KCNG2: variants seen among roughly 807,000 people sequenced by gnomAD.
KCNG2 encodes the protein voltage-gated potassium channel regulatory subunit KCNG2.
A neutral mutation model predicts 12.3 loss-of-function variants in KCNG2; 7 were observed. The observed-to-expected ratio is 0.57, with a 90% confidence interval of 0.32 to 1.07. KCNG2 has a LOEUF of 1.07. Among genes scored for constraint, KCNG2 ranks in the 50% least tolerant of loss-of-function variants. The probability of loss-of-function intolerance (pLI) is 0.04; values close to 1 mark genes in which losing one functional copy is unlikely to be tolerated. For synonymous variants in KCNG2, 414 were observed against 351.4 expected (o/e 1.18, Z -1.99); for missense variants, 703 against 726.0 (o/e 0.97, Z 0.36).
chr18:79,841,648 T>A (rs1254761889), intron 1 of KCNG2, among the ~76,000 whole-genome samples: 2 of 152,132 alleles, frequency 1.3e-5, no homozygotes, highest in Admixed American at 1.3e-4. Context: ...CATTAAAAGG[T>A]CTTCAGTGTC....
At chr18:79,826,287 C>T (rs1053919696) in intron 1 of KCNG2, among the ~76,000 whole-genome samples, 6 of 152,244 alleles carry the variant, frequency 3.9e-5, no homozygotes, top group Admixed American at 1.3e-4. Context: ...CTGAGGCAGG[C>T]AGAGCTGCAG....
chr18:79,837,105 C>A (rs1271391878), intron 1 of KCNG2, among the ~76,000 whole-genome samples: 1 of 152,196 alleles, frequency 6.6e-6, no homozygotes, highest in Non-Finnish European at 1.5e-5. Flanking sequence ...GAGGAACAGA[C>A]ATCGGGTAAA....
chr18:79,853,955 A>T (rs926816757), intron 1 of KCNG2, among the ~76,000 whole-genome samples: 13 of 152,364 alleles, frequency 8.5e-5, no homozygotes, highest in African/African-American at 2.9e-4. Context: ...CTCGGGGTCC[A>T]GCCTGTGAAA....
Position 79,863,787 on chromosome 18 carries a change from C to A in KCNG2, c.120C>A (p.Leu40=). The A allele has an allele frequency of 7.8e-7, 1 of 1,289,706 alleles. No individual in the cohort carries two copies. The highest frequency in any genetic ancestry group is 1.6e-5 in the African/African-American group (1 of 63,072). 79.9% of individuals were successfully genotyped at this position (1,289,706 alleles called of 1,614,324 possible). The change falls in exon 3 of 4, where the codon CTC becomes CTA. Residue 40 remains leucine, a synonymous_variant. Coordinates refer to ENST00000316249, the MANE Select transcript of KCNG2 (RefSeq NM_012283.2). ...GGGCCGCGCTGGCGCGATGCCCCCTCGCGCGCCTGGAGCGCCTGCGCGCCT... is the reference window on the plus strand; with the variant it reads ...GGGCCGCGCTGGCGCGATGCCCCCTAGCGCGCCTGGAGCGCCTGCGCGCCT... ...LAWAALARCP[L]ARLERLRACR... is the part of the protein sequence containing the mutation.
chr18:79,813,951 CA>C (rs1323249950), intron 1 of KCNG2, among the ~76,000 whole-genome samples: 40 of 152,316 alleles, frequency 2.6e-4, no homozygotes, highest in African/African-American at 9.1e-4. Flanking sequence ...AAGATGTGTG[CA>C]CAGACCTTTC....
intron 1 of KCNG2, among the ~76,000 whole-genome samples, chr18:79,801,889 C>A (rs1463533409): frequency 1.3e-5 from 2 of 152,204 alleles, no homozygotes; most frequent in Non-Finnish European, 2.9e-5. Context: ...TCATTGCCCG[C>A]GTTTCTCATC....
chr18:79,828,706 C>T (rs544864337), intron 1 of KCNG2, among the ~76,000 whole-genome samples: 20 of 147,556 alleles, frequency 1.4e-4, no homozygotes, highest in East Asian at 6.2e-4. Flanking sequence ...CAGGAATTTG[C>T]GTGTGTGTAA....
intron 3 of KCNG2, among the ~76,000 whole-genome samples, chr18:79,893,862 T>C (rs1599439541): frequency 6.6e-6 from 1 of 150,894 alleles, no homozygotes; most frequent in African/African-American, 2.4e-5. Context: ...TAGTTGGGTC[T>C]GTATCTGCTT....
intron 1 of KCNG2, among the ~76,000 whole-genome samples, chr18:79,821,570 G>A (rs1015308644): frequency 1.3e-5 from 2 of 152,160 alleles, no homozygotes; most frequent in Admixed American, 6.5e-5. Context: ...GATTACAGGC[G>A]TGAGCCACCA....
intron 3 of KCNG2, 69 bp from the exon 4 acceptor site, chr18:79,898,971 G>C: frequency 8.1e-7 from 1 of 1,229,730 alleles, no homozygotes; most frequent in Middle Eastern, 2.4e-4. Flanking sequence ...TCCTGGGAAA[G>C]GAAGGGCAAG....
At chr18:79,863,548 C>G in intron 2 of KCNG2, 80 bp from the exon 3 acceptor site, 1 of 1,079,176 alleles carries the variant, frequency 9.3e-7, no homozygotes, top group Non-Finnish European at 1.1e-6. Flanking sequence ...CGGTGCCGGC[C>G]CGGCCCCTGG....
At position 79,823,178 on chromosome 18, in the gene KCNG2, G is replaced by A. The variant is rs372612737; in HGVS notation, c.-115+25164G>A. ...CACTTAATGTCCTGGAAGTCATCTC[G>A]TGGCAGGCCTTACAGACCTTCCTCC... On this transcript the variant is annotated intron_variant, in intron 1 of 3. Coordinates refer to ENST00000316249, the MANE Select transcript of KCNG2 (RefSeq NM_012283.2). Among the ~76,000 whole-genome samples the A allele has an allele frequency of 1.6e-4, 24 of 152,284 alleles. No homozygotes were observed. The East Asian group carries it at 2.7e-3, about 17-fold the overall frequency.
At chr18:79,876,491 G>C (rs1980076787) in intron 3 of KCNG2, among the ~76,000 whole-genome samples, 1 of 152,226 alleles carries the variant, frequency 6.6e-6, no homozygotes, top group African/African-American at 2.4e-5. Context: ...GGACAGGACA[G>C]GGGCTGCAGG....
chr18:79,800,754 C>T lies in KCNG2; in HGVS notation c.-115+2740C>T, dbSNP rs543193720. Among the ~76,000 whole-genome samples, 1 of 152,214 alleles carries T rather than the reference C, an allele frequency of 6.6e-6. No individual in the cohort carries two copies. Among genetic ancestry groups the T allele is most frequent in the African/African-American group, 2.4e-5 (1 of 41,452 alleles). ...GTTGCAGTCGGCCTGGCGTGTCCTG[C>T]GGGCACCCGCAGGCTCTGCTCACCC... On this transcript the variant is annotated intron_variant, in intron 1 of 3. Transcript: ENST00000316249. The surrounding 1 kb of genome is among the most constrained non-coding windows in gnomAD (Gnocchi z 4.0).
At chr18:79,881,233 T>C (rs1980282183) in intron 3 of KCNG2, among the ~76,000 whole-genome samples, 2 of 151,954 alleles carry the variant, frequency 1.3e-5, no homozygotes, top group South Asian at 4.2e-4. Context: ...ACCATATGAT[T>C]GGAAAGCAAG....
intron 1 of KCNG2, among the ~76,000 whole-genome samples, chr18:79,820,020 A>G (rs907009323): frequency 3.9e-5 from 6 of 152,136 alleles, no homozygotes; most frequent in Admixed American, 2.6e-4. Flanking sequence ...TCCGAGGAGG[A>G]GCTCCTTCCT....
At chr18:79,851,990 A>C (rs1287067110) in intron 1 of KCNG2, among the ~76,000 whole-genome samples, 1 of 152,238 alleles carries the variant, frequency 6.6e-6, no homozygotes, top group African/African-American at 2.4e-5. Flanking sequence ...TGTGAGGCTT[A>C]GCAAAATTAA....
intron 1 of KCNG2, among the ~76,000 whole-genome samples, chr18:79,798,446 CGCCCGCCCCGGTTCGGTTG>C (rs1222940545): frequency 6.6e-6 from 1 of 152,142 alleles, no homozygotes; most frequent in Non-Finnish European, 1.5e-5. Flanking sequence ...ACTCTCCCGG[CGCCCGCCCCGGTTCGGTTG>C]GGGGCGCACC....
At chr18:79,882,994 G>A (rs924218227) in intron 3 of KCNG2, among the ~76,000 whole-genome samples, 3 of 152,370 alleles carry the variant, frequency 2.0e-5, no homozygotes, top group Non-Finnish European at 4.4e-5. Context: ...CGTGTGTCAC[G>A]TACAGAGCGA....
Sources: allele counts gnomAD v4.1 joint callset (sites outside exome capture counted in the v4.1 genomes callset), GRCh38; gene constraint gnomAD v4.1.1; non-coding constraint Gnocchi (gnomAD v3.1); transcripts MANE v1.5; gene names NCBI Gene and HGNC (gene_info 2026-07-23, HGNC 2026-07-21).